Variants in BPIFB1 observed in about 807,000 individuals in gnomAD.
BPIFB1 encodes the protein BPI fold containing family B member 1.
In BPIFB1, 34 loss-of-function variants were observed where a neutral mutation model predicts 55.1. The ratio of observed to expected loss-of-function variants is 0.62; its 90% CI spans 0.47 to 0.82. The LOEUF (loss-of-function observed/expected upper bound fraction) is 0.82. Among genes scored for constraint, BPIFB1 ranks in the 40% least tolerant of loss-of-function variants. The probability of loss-of-function intolerance (pLI) is 0.00; values close to 1 mark genes in which losing one functional copy is unlikely to be tolerated. For synonymous variants in BPIFB1, 236 were observed against 245.3 expected (o/e 0.96, Z 0.35); for missense variants, 532 against 593.1 (o/e 0.90, Z 1.07).
At chr20:33,306,111 C>T in intron 14 of BPIFB1, 46 bp downstream of exon 14, 3 of 1,599,634 alleles carry the variant, frequency 1.9e-6, no homozygotes, top group East Asian at 2.2e-5. Flanking sequence ...CAGGGCTTGG[C>T]TTTACTTCCC....
chr20:33,308,125 T>A (rs952311235), intron 15 of BPIFB1, among the ~76,000 whole-genome samples: 1 of 151,304 alleles, frequency 6.6e-6, no homozygotes, highest in African/African-American at 2.4e-5. Flanking sequence ...GAGCAAGGGG[T>A]GGGAGGTGCT....
At chr20:33,292,018 TG>T (rs745861295) in intron 6 of BPIFB1, 30 bp downstream of exon 6, 39 of 1,601,498 alleles carry the variant, frequency 2.4e-5, no homozygotes, top group Non-Finnish European at 3.3e-5. Flanking sequence ...CTCTGGCCTG[TG>T]GGCATTGCGC....
chr20:33,300,678 C>T (rs1980817532), intron 8 of BPIFB1, among the ~76,000 whole-genome samples: 1 of 152,200 alleles, frequency 6.6e-6, no homozygotes, highest in South Asian at 2.1e-4. Context: ...CCTTGACCTC[C>T]TGGGCTCAAG....
At position 33,299,985 on chromosome 20, in the gene BPIFB1, G is replaced by T. The variant is rs1430742526; in HGVS notation, c.747+1G>T. On this transcript the variant is annotated splice_donor_variant, in intron 8 of 15. Coordinates refer to ENST00000253354, the MANE Select transcript of BPIFB1 (RefSeq NM_033197.3). LOFTEE classifies it high-confidence loss of function. ...TGACACCATTCAGCTCTACCTGGGGGTGAGTGTCCCAGGACCTTGAGGGTG... is the reference window on the plus strand; with the variant it reads ...TGACACCATTCAGCTCTACCTGGGGTTGAGTGTCCCAGGACCTTGAGGGTG... 4 of 1,613,218 alleles carry T rather than the reference G, an allele frequency of 2.5e-6. No individual in the cohort carries two copies. Among genetic ancestry groups the T allele is most frequent in the Non-Finnish European group, 2.5e-6 (3 of 1,179,288 alleles).
chr20:33,297,726 G>T, intron 7 of BPIFB1, 138 bp downstream of exon 7: 1 of 856,722 alleles, frequency 1.2e-6, no homozygotes. Flanking sequence ...ACAAGCATCA[G>T]TTGATCCCTG....
rs767557167 is a variant in BPIFB1 at position 33,291,062 on chromosome 20, C to G, written c.471C>G (p.Asp157Glu). 8.7e-6 allele frequency: 14 copies of G among 1,613,310 alleles called. No individual in the cohort carries two copies. The highest frequency in any genetic ancestry group is 1.2e-5 in the Non-Finnish European group (14 of 1,180,032). Residue 157 changes from aspartate (D) to glutamate (E), a missense_variant, in exon 5 of 16, where the codon GAC becomes GAG. Coordinates refer to ENST00000253354, the MANE Select transcript of BPIFB1 (RefSeq NM_033197.3). ...GCCCCACCCGCCTGGTCCTCAGTGA[C>G]TGTGCCACCAGCCATGGGAGCCTGC... ...ASGPTRLVLS[D>E]CATSHGSLRI...
At chr20:33,296,730 A>G (rs1279028471) in intron 6 of BPIFB1, among the ~76,000 whole-genome samples, 2 of 152,188 alleles carry the variant, frequency 1.3e-5, no homozygotes, top group Non-Finnish European at 2.9e-5. Flanking sequence ...CCCCCTGTTG[A>G]GGACTGCTGG....
At chr20:33,306,533 G>A (rs899618264) in intron 14 of BPIFB1, 10 of 305,002 alleles carry the variant, frequency 3.3e-5, no homozygotes, top group African/African-American at 2.1e-4. Context: ...TTCAGCCCCA[G>A]GTTGAATGAG....
chr20:33,291,933 C>A lies in BPIFB1; in HGVS notation c.542C>A (p.Ala181Asp). The A allele has an allele frequency of 6.2e-7, 1 of 1,614,230 alleles. No homozygotes were observed. Reference protein sequence around the residue: ...HKLSFLVNALAKQVMNLLVPS... With the variant: ...HKLSFLVNALDKQVMNLLVPS... Reference sequence around the variant, plus strand: ...CTCTCCTTCCTGGTGAACGCCTTAGCTAAGCAGGTCATGAACCTCCTAGTG... The same window carrying A: ...CTCTCCTTCCTGGTGAACGCCTTAGATAAGCAGGTCATGAACCTCCTAGTG... The change falls in exon 6 of 16, where the codon GCT becomes GAT. Residue 181 changes from alanine to aspartate, a missense_variant. Transcript: ENST00000253354.
intron 3 of BPIFB1, 38 bp from the exon 4 acceptor site, chr20:33,289,847 C>G: frequency 1.3e-6 from 2 of 1,563,244 alleles, no homozygotes; most frequent in African/African-American, 1.4e-5. Flanking sequence ...AATAATGAGC[C>G]GGAGGCATGA....
intron 14 of BPIFB1, 26 bp downstream of exon 14, chr20:33,306,091 CCT>C (rs1362138646): frequency 2.5e-6 from 4 of 1,613,112 alleles, no homozygotes; most frequent in East Asian, 4.5e-5. Flanking sequence ...ATCTGTGCCC[CCT>C]CTCTCCCCAG....
At chr20:33,307,108 C>A in intron 15 of BPIFB1, 121 bp downstream of exon 15, 1 of 843,594 alleles carries the variant, frequency 1.2e-6, no homozygotes. Context: ...CAAGTCCCTT[C>A]CCCTCTCAGG....
chr20:33,305,799 G>A (rs1439377680), intron 13 of BPIFB1, among the ~76,000 whole-genome samples: 2 of 151,900 alleles, frequency 1.3e-5, no homozygotes, highest in African/African-American at 4.8e-5. Context: ...CATCTACCAG[G>A]CCCCAGGGGC....
rs202135009 is a variant in BPIFB1 at position 33,289,965 on chromosome 20, C to T, written c.338C>T (p.Pro113Leu). ...GACCAGGAGCTGCTAGTCAAGATCC[C>T]CCTGGACATGGTGGCTGGATTCAAC... is the stretch of plus-strand genomic sequence containing the variant. ...ANDQELLVKI[P>L]LDMVAGFNTP... Residue 113 changes from proline (P) to leucine (L), a missense_variant, in exon 4 of 16, where the codon CCC (proline) becomes CTC (leucine). By Grantham distance (98) the Pro-to-Leu change is moderately conservative. Transcript: ENST00000253354. 3.7e-6 allele frequency: 6 copies of T among 1,614,032 alleles called. No homozygotes were observed. The East Asian group carries it at 1.3e-4, about 36-fold the overall frequency.
intron 11 of BPIFB1, 40 bp downstream of exon 11, chr20:33,303,114 G>C (rs371089857): frequency 1.2e-5 from 19 of 1,608,616 alleles, no homozygotes; most frequent in Admixed American, 1.7e-5. Flanking sequence ...CAACCAGGGG[G>C]ACCCTTCTGT....
At position 33,286,153 on chromosome 20, in the gene BPIFB1, C is replaced by A; in HGVS notation, c.80C>A (p.Ala27Glu). 1 of 1,614,230 alleles carries A rather than the reference C, an allele frequency of 6.2e-7. No individual in the cohort carries two copies. The highest frequency in any genetic ancestry group is 8.5e-7 in the Non-Finnish European group (1 of 1,180,042). Residue 27 changes from alanine (A) to glutamate (E), a missense_variant, in exon 2 of 16, where the codon GCA (alanine) becomes GAA (glutamate). Ala to Glu is a moderately radical substitution (Grantham distance 107, BLOSUM62 -1). Coordinates refer to ENST00000253354, the MANE Select transcript of BPIFB1 (RefSeq NM_033197.3). ...ATCCAAGCCACCCTCAGTCCCACTG[C>A]AGTTCTCATCCTCGGCCCAAAAGTC... Reference protein sequence around the residue: ...TLIQATLSPTAVLILGPKVIK... With the variant: ...TLIQATLSPTEVLILGPKVIK...
At position 33,295,894 on chromosome 20, in the gene BPIFB1, AGAAG is replaced by A. The variant is rs1374482577; in HGVS notation, c.598-1617_598-1614del. 1.1e-3 allele frequency among the ~76,000 whole-genome samples: 141 copies of A among 133,826 alleles called. 1 individual carries two copies. The highest frequency in any genetic ancestry group is 7.7e-3 in the Middle Eastern group (2 of 260). The allele number at this position is 133,826 out of a possible 152,430, so 87.8% of individuals were successfully genotyped here. On this transcript the variant is annotated intron_variant, in intron 6 of 15. Transcript: ENST00000253354. ...GGGGATTGGGAAGGGAAGGAAGGAAAGAAGGAAGGAAGGAAGGGGAAGGGAAAGG... is the reference window on the plus strand; with the variant it reads ...GGGGATTGGGAAGGGAAGGAAGGAAAGAAGGAAGGAAGGGGAAGGGAAAGG...
At chr20:33,289,478 A>G (rs1177753868) in intron 3 of BPIFB1, among the ~76,000 whole-genome samples, 3 of 152,116 alleles carry the variant, frequency 2.0e-5, no homozygotes, top group Non-Finnish European at 4.4e-5. Flanking sequence ...TGGAGGTGAC[A>G]GTGGAGCCGA....
chr20:33,294,051 A>G (rs1421777046), intron 6 of BPIFB1, among the ~76,000 whole-genome samples: 2 of 152,228 alleles, frequency 1.3e-5, no homozygotes, highest in African/African-American at 4.8e-5. Context: ...AATAAGCTGG[A>G]GTTATGATTT....
Sources: allele counts gnomAD v4.1 joint callset (sites outside exome capture counted in the v4.1 genomes callset), GRCh38; gene constraint gnomAD v4.1.1; transcripts MANE v1.5; gene names NCBI Gene and HGNC (gene_info 2026-07-23, HGNC 2026-07-21).